ZNF618: variants seen among roughly 807,000 people sequenced by gnomAD.
ZNF618 encodes the protein neural precursor cell expressed, developmentally down-regulated 10.
A neutral mutation model predicts 103.0 loss-of-function variants in ZNF618; 34 were observed. That is an observed-to-expected ratio of 0.33 (90% CI 0.25 to 0.44). The LOEUF is 0.44. ZNF618 is among the 20% of genes least tolerant of loss of function. The probability of loss-of-function intolerance (pLI) is 1.00; values close to 1 mark genes in which losing one functional copy is unlikely to be tolerated. For synonymous variants in ZNF618, 551 were observed against 542.2 expected (o/e 1.02, Z -0.23); for missense variants, 1,059 against 1,295.4 (o/e 0.82, Z 2.80).
At chr9:113,968,578 A>C (rs1200328831) in intron 1 of ZNF618, among the ~76,000 whole-genome samples, 2 of 152,106 alleles carry the variant, frequency 1.3e-5, no homozygotes, top group Non-Finnish European at 2.9e-5. Context: ...TCTGCATCTG[A>C]ATCAGAATTG....
chr9:113,972,858 G>A (rs932638490), intron 2 of ZNF618, among the ~76,000 whole-genome samples: 5 of 152,144 alleles, frequency 3.3e-5, no homozygotes, highest in African/African-American at 7.2e-5. Context: ...CTTGAGGTCA[G>A]GAGTTTGAGA....
chr9:113,936,898 T>C (rs1008596245), intron 1 of ZNF618, among the ~76,000 whole-genome samples: 2 of 152,222 alleles, frequency 1.3e-5, no homozygotes, highest in African/African-American at 2.4e-5. Flanking sequence ...CTCACTCTTA[T>C]CTATTTGTTG....
rs532942596 is a variant in ZNF618, at chr9:114,041,141, G to A, written c.1246+4764G>A. On this transcript the variant is annotated intron_variant, in intron 13 of 14. Transcript: ENST00000374126. ...GCATAAATGTCTTCTTTTGAGAAGT[G>A]TCTGTTCATATCCTTCGCCCCCTTT... 2.8e-3 allele frequency among the ~76,000 whole-genome samples: 433 copies of A among 152,314 alleles called. 1 individual carries two copies. The highest frequency in any genetic ancestry group is 4.9e-3 in the Non-Finnish European group (330 of 68,026).
chr9:113,945,407 T>A (rs1428196102), intron 1 of ZNF618, among the ~76,000 whole-genome samples: 1 of 152,224 alleles, frequency 6.6e-6, no homozygotes, highest in East Asian at 1.9e-4. Flanking sequence ...TATCTATTTA[T>A]TGGTGAGATC....
intron 10 of ZNF618, 166 bp from the exon 11 acceptor site, chr9:114,028,566 TG>T: frequency 9.2e-7 from 1 of 1,083,504 alleles, no homozygotes; most frequent in Non-Finnish European, 1.3e-6. Flanking sequence ...TCCAGACTCC[TG>T]GACTTTCTCT....
At chr9:113,930,643 G>A (rs1402688448) in intron 1 of ZNF618, among the ~76,000 whole-genome samples, 8 of 152,192 alleles carry the variant, frequency 5.3e-5, no homozygotes, top group African/African-American at 1.9e-4. Context: ...GTGCAGTAAC[G>A]TACTCACATT....
At chr9:113,997,425 C>T (rs1840726418) in intron 3 of ZNF618, among the ~76,000 whole-genome samples, 1 of 152,200 alleles carries the variant, frequency 6.6e-6, no homozygotes, top group Non-Finnish European at 1.5e-5. Context: ...CTGGTGCTTT[C>T]CAAGAAGCTA....
rs548941008 is a variant in ZNF618, at chr9:113,976,498, A to G, written c.77+7338A>G. Among the ~76,000 whole-genome samples, 29 of 152,350 alleles carry G rather than the reference A, an allele frequency of 1.9e-4. No homozygotes were observed. The East Asian group carries it at 5.0e-3, about 26-fold the overall frequency. ...CCATCTGTCTGGCTCTGCTGACAAA[A>G]GAGAACATGCTCACCCTTGGCTGGA... On this transcript the variant is annotated intron_variant, in intron 2 of 14. Transcript: ENST00000374126.
At chr9:114,002,300 C>T (rs1002259109) in intron 5 of ZNF618, among the ~76,000 whole-genome samples, 2 of 152,210 alleles carry the variant, frequency 1.3e-5, no homozygotes, top group South Asian at 4.1e-4. Context: ...CACACCAGAC[C>T]TGCGCCCAAG....
intron 6 of ZNF618, among the ~76,000 whole-genome samples, chr9:114,005,197 AT>A (rs944904052): frequency 4.6e-5 from 7 of 152,168 alleles, no homozygotes; most frequent in African/African-American, 1.7e-4. Flanking sequence ...GTTGGGTTTG[AT>A]TAGGCAGCAT....
intron 1 of ZNF618, among the ~76,000 whole-genome samples, chr9:113,878,123 A>C (rs1021788343): frequency 3.9e-5 from 6 of 151,934 alleles, no homozygotes; most frequent in African/African-American, 1.2e-4. Context: ...TTTTTCAAAA[A>C]CCTGATTACT....
chr9:113,960,205 C>T (rs564833093), intron 1 of ZNF618, among the ~76,000 whole-genome samples: 1 of 152,342 alleles, frequency 6.6e-6, no homozygotes, highest in East Asian at 1.9e-4. Flanking sequence ...AGCTTTCTCT[C>T]CTCCACCACC....
intron 10 of ZNF618, among the ~76,000 whole-genome samples, chr9:114,022,291 G>A (rs183007685): frequency 3.9e-5 from 6 of 151,950 alleles, no homozygotes; most frequent in African/African-American, 1.4e-4. Flanking sequence ...GAATTGGGAA[G>A]AGTACTCCCT....
chr9:114,021,937 T>A (rs1267092410), intron 10 of ZNF618, among the ~76,000 whole-genome samples: 1 of 152,148 alleles, frequency 6.6e-6, no homozygotes, highest in Admixed American at 6.5e-5. Context: ...TTTTAACTGA[T>A]GATGAGTAGT....
intron 1 of ZNF618, among the ~76,000 whole-genome samples, chr9:113,893,217 G>C (rs1033196701): frequency 6.6e-6 from 1 of 152,174 alleles, no homozygotes; most frequent in Non-Finnish European, 1.5e-5. Flanking sequence ...ATTGGAGCCT[G>C]AGTCTGTCCA....
intron 3 of ZNF618, among the ~76,000 whole-genome samples, chr9:113,989,257 C>T (rs534563811): frequency 1.2e-4 from 18 of 151,902 alleles, no homozygotes; most frequent in Admixed American, 1.1e-3. Context: ...AGAGAAGGCA[C>T]GCCGCGTGTG....
intron 1 of ZNF618, among the ~76,000 whole-genome samples, chr9:113,887,849 T>A (rs1829223389): frequency 6.6e-6 from 1 of 152,232 alleles, no homozygotes; most frequent in Non-Finnish European, 1.5e-5. Flanking sequence ...TTTATTTTTT[T>A]AATTAGGAAC....
At chr9:114,002,493 C>A in intron 5 of ZNF618, 131 bp from the exon 6 acceptor site, 1 of 956,766 alleles carries the variant, frequency 1.0e-6, no homozygotes, top group Non-Finnish European at 1.6e-6. Context: ...GGAGGAGAGG[C>A]TGGCATCAGG....
rs761276313 is a variant in ZNF618 at position 113,988,530 on chromosome 9, C to G, written c.287C>G (p.Pro96Arg). 3 of 1,612,278 alleles carry G rather than the reference C, an allele frequency of 1.9e-6. No individual in the cohort carries two copies. The highest frequency in any genetic ancestry group is 2.2e-5 in the East Asian group (1 of 44,874). ...AVSKDGTSDV[P>R]AEICVVIGGV... Reference sequence around the variant, plus strand: ...AGCAAGGATGGGACCAGCGACGTGCCTGCCGAGATCTGCGTGGTGATCGGC... The same window carrying G: ...AGCAAGGATGGGACCAGCGACGTGCGTGCCGAGATCTGCGTGGTGATCGGC... Residue 96 changes from proline to arginine, a missense_variant, in exon 3 of 15, where the codon CCT becomes CGT. Coordinates refer to ENST00000374126, the MANE Select transcript of ZNF618 (RefSeq NM_001318042.2).
Sources: gnomAD v4.1 joint callset for allele counts (sites outside exome capture counted in the v4.1 genomes callset) on GRCh38, gnomAD v4.1.1 for gene constraint, MANE v1.5 for transcripts, NCBI Gene and HGNC (gene_info 2026-07-23, HGNC 2026-07-21) for gene names.